Variants in WASHC4 observed in about 807,000 individuals in gnomAD.
The protein encoded by WASHC4 is WASH complex subunit 4, also known as WASH complex subunit 7.
A neutral mutation model predicts 166.6 loss-of-function variants in WASHC4; 86 were observed. The observed-to-expected ratio is 0.52, with a 90% CI of 0.43 to 0.62. The LOEUF is 0.62. WASHC4 is among the 20% of genes least tolerant of loss of function. The probability of loss-of-function intolerance (pLI) is 0.00; values close to 1 mark genes in which losing one functional copy is unlikely to be tolerated. For synonymous variants in WASHC4, 446 were observed against 451.6 expected, an observed-to-expected ratio of 0.99 and a Z score of 0.16; for missense variants, 1,262 against 1,382.4, an observed-to-expected ratio of 0.91 and a Z score of 1.38.
rs775580703 is a variant in WASHC4, at chr12:105,142,499, G to C, written c.1834G>C (p.Val612Leu). Residue 612 changes from valine to leucine, a missense_variant, in exon 19 of 33, where the codon GTC becomes CTC. Coordinates refer to ENST00000332180, the MANE Select transcript of WASHC4 (RefSeq NM_015275.3). Reference protein sequence around the residue: ...DCCFLYWHRAVFPIYLDDVYE... With the variant: ...DCCFLYWHRALFPIYLDDVYE... ...TTGTTTTTTATACTGGCATCGAGCT[G>C]TCTTCCCAATTTATTTAGATGATGT... The C allele has an allele frequency of 1.9e-6, 3 of 1,610,908 alleles. No individual in the cohort carries two copies. In the South Asian group the frequency reaches 3.3e-5, roughly 18 times the overall value.
chr12:105,146,683 G>A (rs1883324091), intron 23 of WASHC4, among the ~76,000 whole-genome samples, 157 bp downstream of exon 23: 1 of 151,962 alleles, frequency 6.6e-6, no homozygotes, highest in South Asian at 2.1e-4. Flanking sequence ...TATACCAGTT[G>A]TGTATCTTTT....
chr12:105,167,889 GA>G lies in WASHC4; in HGVS notation c.*959del, dbSNP rs1310262776. The stretch of plus-strand genomic sequence containing the variant: ...CACTGTGAGAATAAAGCGCTAGCAA[GA>G]TACATCACTTACTGATTTTAAAAAT... On this transcript the variant is annotated 3_prime_UTR_variant, in exon 33 of 33. Transcript: ENST00000332180. 6.6e-6 allele frequency: 1 copy of G among 152,422 alleles called. No homozygotes were observed. The highest frequency in any genetic ancestry group is 2.4e-5 in the African/African-American group (1 of 41,408). 9.4% of individuals were successfully genotyped at this position (152,422 alleles called of 1,614,324 possible). A position where few individuals can be genotyped will look rare whatever the true frequency, so the allele number is the denominator to read the frequency against.
chr12:105,153,577 G>A (rs1373319668), intron 26 of WASHC4, among the ~76,000 whole-genome samples: 1 of 152,078 alleles, frequency 6.6e-6, no homozygotes, highest in Non-Finnish European at 1.5e-5. Context: ...AACCTTTTTT[G>A]AGAATCTGAG....
At chr12:105,123,437 TAAG>T (rs1880975111) in intron 10 of WASHC4, among the ~76,000 whole-genome samples, 3 of 152,366 alleles carry the variant, frequency 2.0e-5, no homozygotes, top group Admixed American at 1.3e-4. Flanking sequence ...ACACAGATGA[TAAG>T]AAAGTGAAAC....
Position 105,147,087 on chromosome 12 carries a change from A to G in WASHC4, c.2455A>G (p.Asn819Asp). The change falls in exon 24 of 33, where the codon AAT becomes GAT. Residue 819 changes from asparagine to aspartate, a missense_variant. Physicochemically the swap from Asn to Asp is conservative, Grantham distance 23 (BLOSUM62 1). Transcript: ENST00000332180. The part of the protein sequence containing the change: ...TSNNKHLNTI[N>D]IRHIANSIRT... Reference sequence around the variant, plus strand: ...CAATAACAAGCATTTGAATACTATTAATATTCGGCATATTGCTAATTCAAT... The same window carrying G: ...CAATAACAAGCATTTGAATACTATTGATATTCGGCATATTGCTAATTCAAT... 3 of 1,611,454 alleles carry G rather than the reference A, an allele frequency of 1.9e-6. No individual in the cohort carries two copies. Among genetic ancestry groups the G allele is most frequent in the Non-Finnish European group, 2.5e-6 (3 of 1,177,576 alleles).
chr12:105,164,346 C>T (rs576819795), intron 31 of WASHC4, 39 bp downstream of exon 31: 12 of 1,533,070 alleles, frequency 7.8e-6, no homozygotes, highest in African/African-American at 6.8e-5. Flanking sequence ...CTTTGACTTA[C>T]CATTTGATAT....
At position 105,140,300 on chromosome 12, in the gene WASHC4, G is replaced by A. The variant is rs1481328981; in HGVS notation, c.1459G>A (p.Glu487Lys). 6 of 1,609,208 alleles carry A rather than the reference G, an allele frequency of 3.7e-6. No individual in the cohort carries two copies. Among genetic ancestry groups the A allele is most frequent in the Non-Finnish European group, 5.1e-6 (6 of 1,175,612 alleles). ...TATTTCTGATTCTTTTTAGGCAATA[G>A]AGCATATGTTCTACAGGAGAAGCAT... ...CRLVELLKAI[E>K]HMFYRRSMVV... Residue 487 changes from glutamate to lysine, a missense_variant, in exon 16 of 33, where the codon GAG becomes AAG. Glu to Lys is a moderately conservative substitution (Grantham distance 56). Transcript: ENST00000332180.
Position 105,107,822 on chromosome 12 carries a change from C to G in WASHC4, c.22C>G (p.Pro8Ala). The change falls in exon 1 of 33, where the codon CCG (proline) becomes GCG (alanine). Residue 8 changes from proline to alanine, a missense_variant. Transcript: ENST00000332180. Reference protein sequence around the residue: MAVETLSPDWEFDRVDDG... With the variant: MAVETLSADWEFDRVDDG... ...GGTGATGGCGGTGGAGACTCTGTCC[C>G]CGGACTGGGAGTTTGACCGCGTTGA... 1 of 1,551,088 alleles carries G rather than the reference C, an allele frequency of 6.4e-7. No homozygotes were observed. Among genetic ancestry groups the G allele is most frequent in the Non-Finnish European group, 8.7e-7 (1 of 1,146,644 alleles).
At chr12:105,107,919 C>A in intron 1 of WASHC4, 58 bp downstream of exon 1, 1 of 1,299,754 alleles carries the variant, frequency 7.7e-7, no homozygotes, top group Non-Finnish European at 1.1e-6. Flanking sequence ...CGCCGCTGTT[C>A]TGGGCTGGGC....
chr12:105,153,800 GTTTTTA>G (rs1211003339), intron 26 of WASHC4, among the ~76,000 whole-genome samples: 1 of 151,972 alleles, frequency 6.6e-6, no homozygotes, highest in Non-Finnish European at 1.5e-5. Flanking sequence ...ATTGTTACAT[GTTTTTA>G]TTTTTTTTGA....
intron 10 of WASHC4, among the ~76,000 whole-genome samples, chr12:105,125,046 G>A (rs985861659): frequency 9.2e-5 from 14 of 152,278 alleles, no homozygotes; most frequent in Middle Eastern, 6.8e-3. Context: ...AAGTTCTGTT[G>A]GAGAGCGCTG....
In WASHC4 at chr12:105,122,193, C is replaced by T. The variant is rs1363868998; in HGVS notation, c.741C>T (p.Phe247=). 2 of 1,612,588 alleles carry T rather than the reference C, an allele frequency of 1.2e-6. 1 individual carries two copies. Among genetic ancestry groups the T allele is most frequent in the Admixed American group, 3.3e-5 (2 of 59,962 alleles). ...QEEKLKPFEK[F]LLKLEGQLLD... ...AAAAATTAAAGCCATTTGAAAAGTT[C>T]TTGCTGAAGCTAGAAGGGCAATTAC... The change falls in exon 10 of 33, where the codon TTC becomes TTT. Residue 247 remains phenylalanine, a synonymous_variant. Transcript: ENST00000332180.
chr12:105,118,948 A>C (rs1242350963), intron 7 of WASHC4, among the ~76,000 whole-genome samples: 1 of 152,218 alleles, frequency 6.6e-6, no homozygotes, highest in Non-Finnish European at 1.5e-5. Context: ...GAGTAGTTCT[A>C]ATGGTCGTAA....
At chr12:105,134,708 C>T (rs1882153283) in intron 14 of WASHC4, among the ~76,000 whole-genome samples, 1 of 151,936 alleles carries the variant, frequency 6.6e-6, no homozygotes, top group East Asian at 1.9e-4. Context: ...TGTGGCCTTC[C>T]TGGCTCCTTA....
intron 10 of WASHC4, among the ~76,000 whole-genome samples, chr12:105,122,967 T>A (rs967022562): frequency 6.6e-6 from 1 of 152,192 alleles, no homozygotes; most frequent in African/African-American, 2.4e-5. Flanking sequence ...AAGAGTTTCA[T>A]GTCTCTTAAT....
intron 25 of WASHC4, among the ~76,000 whole-genome samples, chr12:105,151,212 T>C (rs1883747878): frequency 6.8e-6 from 1 of 146,912 alleles, no homozygotes; most frequent in African/African-American, 2.5e-5. Context: ...AGTTTTCCCA[T>C]AGTGAAGTGA....
chr12:105,127,675 T>C (rs1881414176), intron 13 of WASHC4, among the ~76,000 whole-genome samples: 1 of 152,106 alleles, frequency 6.6e-6, no homozygotes, highest in African/African-American at 2.4e-5. Flanking sequence ...GCTTCCTTTT[T>C]CCCCCTTCTT....
At chr12:105,139,425 G>GTGTGTATATATATA in intron 15 of WASHC4, among the ~76,000 whole-genome samples, 4 of 103,216 alleles carry the variant, frequency 3.9e-5, no homozygotes, top group Admixed American at 1.1e-4. Context: ...ATGTGTGTGT[G>GTGTGTATATATATA]TATATATATA....
At chr12:105,151,175 G>A (rs1018153563) in intron 25 of WASHC4, among the ~76,000 whole-genome samples, 4 of 141,106 alleles carry the variant, frequency 2.8e-5, no homozygotes, top group African/African-American at 5.2e-5. Flanking sequence ...AAAAAAGAAC[G>A]CCGTTTTCCT....
Sources: allele counts gnomAD v4.1 joint callset (sites outside exome capture counted in the v4.1 genomes callset), GRCh38; gene constraint gnomAD v4.1.1; transcripts MANE v1.5; gene names NCBI Gene and HGNC (gene_info 2026-07-23, HGNC 2026-07-21).